SLC41A2: variants seen among roughly 807,000 people sequenced by gnomAD.
The protein encoded by SLC41A2 is SLC41A1-like 1.
A neutral mutation model predicts 58.3 loss-of-function variants in SLC41A2; 32 were observed. That is an observed-to-expected ratio of 0.55 (90% CI 0.41 to 0.74). SLC41A2 has a LOEUF of 0.74. SLC41A2 is among the 30% of genes least tolerant of loss of function. The pLI, the probability that SLC41A2 is intolerant of heterozygous loss-of-function variation, is 0.00. For synonymous variants in SLC41A2, 190 were observed against 235.0 expected, an observed-to-expected ratio of 0.81 and a Z score of 1.75; for missense variants, 514 against 680.6, an observed-to-expected ratio of 0.76 and a Z score of 2.72.
At chr12:104,807,561 TC>T (rs1222047856) in intron 10 of SLC41A2, among the ~76,000 whole-genome samples, 2 of 152,302 alleles carry the variant, frequency 1.3e-5, no homozygotes, top group African/African-American at 4.8e-5. Context: ...CTTTTTTGGT[TC>T]CATATGAACT....
chr12:104,948,066 G>C (rs1024030431), intron 1 of SLC41A2, among the ~76,000 whole-genome samples: 1 of 152,060 alleles, frequency 6.6e-6, no homozygotes, highest in Non-Finnish European at 1.5e-5. Flanking sequence ...TTGTTATTAT[G>C]GAAATTCTTT....
intron 2 of SLC41A2, among the ~76,000 whole-genome samples, chr12:104,926,265 T>C (rs2046835369): frequency 6.6e-6 from 1 of 152,206 alleles, no homozygotes; most frequent in Non-Finnish European, 1.5e-5. Flanking sequence ...TTTAGAAAGA[T>C]AATTATATAA....
intron 1 of SLC41A2, among the ~76,000 whole-genome samples, chr12:104,948,982 G>A (rs759174294): frequency 1.3e-5 from 2 of 152,144 alleles, no homozygotes; most frequent in South Asian, 2.1e-4. Flanking sequence ...TTGGGAGGCC[G>A]AGGTAGGTGG....
chr12:104,864,695 CTACTT>C (rs2043349570), intron 7 of SLC41A2, among the ~76,000 whole-genome samples: 1 of 152,140 alleles, frequency 6.6e-6, no homozygotes, highest in Non-Finnish European at 1.5e-5. Context: ...GAGGGTTCCT[CTACTT>C]TATATTCCAA....
At position 104,804,142 on chromosome 12, in the gene SLC41A2, C is replaced by CAAAAAAAA. The variant is rs11355284; in HGVS notation, c.*1002_*1009dup. 6.5e-5 allele frequency: 4 copies of CAAAAAAAA among 61,404 alleles called. No individual in the cohort carries two copies. The highest frequency in any genetic ancestry group is 8.8e-5 in the Non-Finnish European group (3 of 34,124). The allele number at this position is 61,404 out of a possible 1,614,324, so 3.8% of individuals were successfully genotyped here. A position where few individuals can be genotyped will look rare whatever the true frequency, so the allele number is the denominator to read the frequency against. On this transcript the variant is annotated 3_prime_UTR_variant, in exon 11 of 11. Coordinates refer to ENST00000258538, the MANE Select transcript of SLC41A2 (RefSeq NM_001352171.3). ...TGGGCGACAGAGCAAGACTCTGTCT[C>CAAAAAAAA]AAAAAAAAAAAAAAAAAAAAAAAAA...
chr12:104,951,524 T>C (rs1301099138), intron 1 of SLC41A2: 1 of 152,128 alleles, frequency 6.6e-6, no homozygotes, highest in Non-Finnish European at 1.5e-5. Flanking sequence ...CTTTTACCAC[T>C]GATCGGAACC....
Position 104,866,381 on chromosome 12 carries a change from T to TACACAC in SLC41A2, c.1175+45_1175+50dup, listed in dbSNP as rs57548373. On this transcript the variant is annotated intron_variant, in intron 7 of 10. Coordinates refer to ENST00000258538, the MANE Select transcript of SLC41A2 (RefSeq NM_001352171.3). ...GAAGACACACAAAGACAGACAGACGTACACACACACACACACACACACACA... is the reference window on the plus strand; with the variant it reads ...GAAGACACACAAAGACAGACAGACGTACACACACACACACACACACACACACACACA... 332 of 1,427,256 alleles carry TACACAC rather than the reference T, an allele frequency of 2.3e-4. No homozygotes were observed. The African/African-American group carries it at 3.9e-3, about 17-fold the overall frequency. 88.4% of individuals were successfully genotyped at this position (1,427,256 alleles called of 1,614,324 possible).
At chr12:104,826,719 G>A (rs927996136) in intron 10 of SLC41A2, among the ~76,000 whole-genome samples, 11 of 152,144 alleles carry the variant, frequency 7.2e-5, no homozygotes, top group Admixed American at 1.3e-4. Flanking sequence ...AAGCAAATGG[G>A]GGATCTTGGC....
At chr12:104,825,303 C>T (rs888799395) in intron 10 of SLC41A2, among the ~76,000 whole-genome samples, 2 of 152,270 alleles carry the variant, frequency 1.3e-5, no homozygotes, top group South Asian at 4.1e-4. Context: ...AAAAGCCAAA[C>T]CCAACAGTCA....
chr12:104,855,725 C>A (rs2042994988), intron 8 of SLC41A2, among the ~76,000 whole-genome samples: 1 of 152,122 alleles, frequency 6.6e-6, no homozygotes, highest in African/African-American at 2.4e-5. Flanking sequence ...TCCTTCTAAC[C>A]AATGCATCTT....
At chr12:104,896,583 A>C (rs1374462823) in intron 3 of SLC41A2, among the ~76,000 whole-genome samples, 1 of 152,210 alleles carries the variant, frequency 6.6e-6, no homozygotes, top group Non-Finnish European at 1.5e-5. Flanking sequence ...AAAGATGTCT[A>C]TATCTGTAGG....
At chr12:104,894,246 C>T (rs1050217304) in intron 4 of SLC41A2, among the ~76,000 whole-genome samples, 1 of 151,684 alleles carries the variant, frequency 6.6e-6, no homozygotes, top group Non-Finnish European at 1.5e-5. Context: ...CCCAGCTACT[C>T]GGGCACTCAG....
Position 104,806,126 on chromosome 12 carries a change from C to T in SLC41A2, c.1537-789G>A, listed in dbSNP as rs559567903. On this transcript the variant is annotated intron_variant, in intron 10 of 10. Coordinates refer to ENST00000258538, the MANE Select transcript of SLC41A2 (RefSeq NM_001352171.3). ...ATGTGCACAACGTGCAGGTTTGTTA[C>T]GTATGTATACATGTGCCATGTTGGT... Among the ~76,000 whole-genome samples, 238 of 152,102 alleles carry T rather than the reference C, an allele frequency of 1.6e-3. 2 individuals are homozygous for T. Among genetic ancestry groups the T allele is most frequent in the African/African-American group, 5.5e-3 (228 of 41,478 alleles).
intron 10 of SLC41A2, among the ~76,000 whole-genome samples, chr12:104,835,560 T>C (rs555926004): frequency 6.6e-6 from 1 of 152,290 alleles, no homozygotes; most frequent in South Asian, 2.1e-4. Context: ...TTATCCACTA[T>C]AAAACTTCCT....
At chr12:104,871,564 A>G (rs1333620449) in intron 6 of SLC41A2, among the ~76,000 whole-genome samples, 1 of 152,054 alleles carries the variant, frequency 6.6e-6, no homozygotes, top group Non-Finnish European at 1.5e-5. Context: ...TGCCATTTTT[A>G]TTTTTCTATA....
chr12:104,939,885 T>A (rs2047432270), intron 1 of SLC41A2, among the ~76,000 whole-genome samples: 1 of 152,200 alleles, frequency 6.6e-6, no homozygotes. Flanking sequence ...CATACACACA[T>A]ACAGACACAC....
intron 6 of SLC41A2, among the ~76,000 whole-genome samples, chr12:104,870,099 C>G (rs940816307): frequency 6.6e-6 from 1 of 152,018 alleles, no homozygotes; most frequent in African/African-American, 2.4e-5. Flanking sequence ...ATGATTAAGT[C>G]AAGAATTTTG....
Position 104,822,901 on chromosome 12 carries a change from T to G in SLC41A2, c.1537-17564A>C, listed in dbSNP as rs912322924. Among the ~76,000 whole-genome samples the G allele has an allele frequency of 4.6e-5, 7 of 152,142 alleles. 1 individual carries two copies. The highest frequency in any genetic ancestry group is 1.7e-4 in the African/African-American group (7 of 41,458). On this transcript the variant is annotated intron_variant, in intron 10 of 10. Transcript: ENST00000258538. ...ACTGTGATAAGAAGAAAACTCACTATATTGAGAGGGAATTAAAGAAAGGGG... is the reference window on the plus strand; with the variant it reads ...ACTGTGATAAGAAGAAAACTCACTAGATTGAGAGGGAATTAAAGAAAGGGG...
intron 3 of SLC41A2, among the ~76,000 whole-genome samples, chr12:104,896,274 C>G (rs147337290): frequency 3.3e-5 from 5 of 152,280 alleles, no homozygotes; most frequent in African/African-American, 1.2e-4. Flanking sequence ...ATCTGGAAAA[C>G]AGATTCTATT....
Sources: gnomAD v4.1 joint callset for allele counts (sites outside exome capture counted in the v4.1 genomes callset) on GRCh38, gnomAD v4.1.1 for gene constraint, MANE v1.5 for transcripts, NCBI Gene and HGNC (gene_info 2026-07-23, HGNC 2026-07-21) for gene names.